The following LRRTM4 variants were observed in gnomAD, a reference collection of about 807,000 sequenced individuals.
LRRTM4 encodes the protein leucine rich repeat transmembrane neuronal 4.
A neutral mutation model predicts 47.6 loss-of-function variants in LRRTM4; 25 were observed. The observed-to-expected ratio is 0.53, with a 90% CI of 0.38 to 0.73. The LOEUF (loss-of-function observed/expected upper bound fraction) is 0.73, where lower values mean the gene tolerates loss of function less well. Among genes scored for constraint, LRRTM4 ranks in the 30% least tolerant of loss-of-function variants. LRRTM4 has a pLI of 0.00. For missense variants in LRRTM4, 638 were observed against 713.4 expected (o/e 0.89, Z 1.20); for synonymous variants, 311 against 269.5 (o/e 1.15, Z -1.51).
Position 77,314,662 on chromosome 2 carries a change from C to A in LRRTM4, c.1551+203656G>T, listed in dbSNP as rs192961801. ...CTGAAAGATAGAGATGAAAATAGTA[C>A]CTCACCCTTAGGGATCTTTAGAGGA... On this transcript the variant is annotated intron_variant, in intron 3 of 3. Coordinates refer to ENST00000409884, the MANE Select transcript of LRRTM4 (RefSeq NM_001134745.3). Among the ~76,000 whole-genome samples the A allele has an allele frequency of 8.9e-4, 135 of 152,222 alleles. No individual in the cohort carries two copies. The Middle Eastern group carries it at 0.014, about 15-fold the overall frequency.
intron 3 of LRRTM4, among the ~76,000 whole-genome samples, chr2:77,370,315 G>A (rs1215155535): frequency 6.6e-6 from 1 of 151,740 alleles, no homozygotes; most frequent in Non-Finnish European, 1.5e-5. Flanking sequence ...TTGGCTTGAT[G>A]AAGTCATGAA....
intron 3 of LRRTM4, among the ~76,000 whole-genome samples, chr2:76,826,875 T>C (rs1186741877): frequency 6.6e-6 from 1 of 151,792 alleles, no homozygotes; most frequent in Non-Finnish European, 1.5e-5. Flanking sequence ...GGGATGGAGA[T>C]TTCCATTTGT....
At chr2:76,786,162 T>A (rs1189981159) in intron 3 of LRRTM4, among the ~76,000 whole-genome samples, 1 of 152,140 alleles carries the variant, frequency 6.6e-6, no homozygotes, top group African/African-American at 2.4e-5. Context: ...GTACAAATTC[T>A]TTTCCATTCA....
chr2:77,027,159 G>C (rs969156586), intron 3 of LRRTM4, among the ~76,000 whole-genome samples: 7 of 151,890 alleles, frequency 4.6e-5, no homozygotes, highest in African/African-American at 1.2e-4. Context: ...TCCACCACTA[G>C]ACATAAATCT....
chr2:76,942,676 C>CTGTGTGTGTGTGTGTGTGTG (rs61077287), intron 3 of LRRTM4, among the ~76,000 whole-genome samples: 1,718 of 148,250 alleles, frequency 0.012, 42 homozygotes, highest in East Asian at 0.058. Context: ...CTCTAGGAAT[C>CTGTGTGTGTGTGTGTGTGTG]TGTGTGTGTG....
chr2:77,343,592 A>G (rs976973871), intron 3 of LRRTM4, among the ~76,000 whole-genome samples: 1 of 151,904 alleles, frequency 6.6e-6, no homozygotes, highest in Non-Finnish European at 1.5e-5. Context: ...GGCAAAGGAT[A>G]TCAATTATTA....
chr2:77,074,654 AAAG>A (rs1293029536), intron 3 of LRRTM4, among the ~76,000 whole-genome samples: 1 of 152,172 alleles, frequency 6.6e-6, no homozygotes, highest in East Asian at 1.9e-4. Context: ...ACAAGGAGAA[AAAG>A]AAGTACTGAT....
chr2:77,314,235 T>C (rs960387301), intron 3 of LRRTM4, among the ~76,000 whole-genome samples: 7 of 152,316 alleles, frequency 4.6e-5, no homozygotes, highest in Non-Finnish European at 8.8e-5. Flanking sequence ...TAACTCTTCA[T>C]ACTGTAGGTA....
chr2:76,982,468 A>G (rs988710025), intron 3 of LRRTM4, among the ~76,000 whole-genome samples: 4 of 152,076 alleles, frequency 2.6e-5, no homozygotes, highest in Non-Finnish European at 5.9e-5. Flanking sequence ...CATTTTAATA[A>G]TGATAATAAA....
intron 3 of LRRTM4, among the ~76,000 whole-genome samples, chr2:76,771,360 C>A (rs986989755): frequency 1.3e-5 from 2 of 152,098 alleles, no homozygotes; most frequent in African/African-American, 2.4e-5. Flanking sequence ...AGAAAGAAAA[C>A]AATGGCTGAC....
At chr2:77,376,979 T>C (rs1672864686) in intron 3 of LRRTM4, among the ~76,000 whole-genome samples, 1 of 151,952 alleles carries the variant, frequency 6.6e-6, no homozygotes, top group East Asian at 1.9e-4. Context: ...TATGTTTATA[T>C]TTATTTATTC....
intron 3 of LRRTM4, among the ~76,000 whole-genome samples, chr2:77,205,134 C>T (rs998463456): frequency 1.3e-5 from 2 of 152,184 alleles, no homozygotes; most frequent in Non-Finnish European, 2.9e-5. Context: ...TAGTGCAACA[C>T]TTAATGATGT....
intron 3 of LRRTM4, among the ~76,000 whole-genome samples, chr2:76,938,358 A>C (rs1205929142): frequency 1.3e-5 from 2 of 151,100 alleles, no homozygotes; most frequent in Non-Finnish European, 2.9e-5. Flanking sequence ...AAATATTATG[A>C]TGTATTTTCA....
chr2:77,165,028 T>C (rs1427632078), intron 3 of LRRTM4, among the ~76,000 whole-genome samples: 1 of 151,958 alleles, frequency 6.6e-6, no homozygotes, highest in Non-Finnish European at 1.5e-5. Flanking sequence ...CAAGGAGCTC[T>C]TTTTTTGAAA....
intron 3 of LRRTM4, among the ~76,000 whole-genome samples, chr2:76,916,916 A>C (rs917681652): frequency 6.6e-6 from 1 of 152,250 alleles, no homozygotes; most frequent in Non-Finnish European, 1.5e-5. Context: ...CATTGCAAAT[A>C]ACAGTTTCAT....
At position 77,082,183 on chromosome 2, in the gene LRRTM4, C is replaced by T. The variant is rs991474364; in HGVS notation, c.1552-333267G>A. Reference sequence around the variant, plus strand: ...GTCCTAATTTCTTAATATCTTTATTCTTCATGTAAAATTCCAGGAGTATTG... The same window carrying T: ...GTCCTAATTTCTTAATATCTTTATTTTTCATGTAAAATTCCAGGAGTATTG... On this transcript the variant is annotated intron_variant, in intron 3 of 3. Coordinates refer to ENST00000409884, the MANE Select transcript of LRRTM4 (RefSeq NM_001134745.3). 2.6e-5 allele frequency among the ~76,000 whole-genome samples: 4 copies of T among 152,132 alleles called. No homozygotes were observed. The East Asian group carries it at 7.7e-4, about 29-fold the overall frequency.
intron 3 of LRRTM4, among the ~76,000 whole-genome samples, chr2:77,399,976 C>T (rs1673877575): frequency 6.6e-6 from 1 of 151,774 alleles, no homozygotes; most frequent in South Asian, 2.1e-4. Context: ...TCGCTAATGG[C>T]TAATTTATGA....
intron 3 of LRRTM4, among the ~76,000 whole-genome samples, chr2:76,762,361 C>A (rs1404068869): frequency 6.6e-6 from 1 of 152,120 alleles, no homozygotes; most frequent in Non-Finnish European, 1.5e-5. Context: ...CTCCTCCACA[C>A]CATTTCTATA....
chr2:76,915,862 C>G (rs1674225129), intron 3 of LRRTM4, among the ~76,000 whole-genome samples: 1 of 151,958 alleles, frequency 6.6e-6, no homozygotes. Context: ...CATTCTACTT[C>G]TATAAAAGTA....
Sources: allele counts gnomAD v4.1 joint callset (sites outside exome capture counted in the v4.1 genomes callset), GRCh38; gene constraint gnomAD v4.1.1; transcripts MANE v1.5; gene names NCBI Gene and HGNC (gene_info 2026-07-23, HGNC 2026-07-21).